AGO1: variants seen among roughly 807,000 people sequenced by gnomAD.
AGO1 encodes the protein argonaute RISC component 1, also known as protein argonaute-1.
In AGO1, 11 loss-of-function variants were observed where a neutral mutation model predicts 109.2. That is an observed-to-expected ratio of 0.10 (90% confidence interval 0.06 to 0.17). The LOEUF (loss-of-function observed/expected upper bound fraction) is 0.17. Ranked by LOEUF, AGO1 falls within the 10% of genes least tolerant of loss-of-function variation. AGO1 has a pLI of 1.00. For synonymous variants in AGO1, 422 were observed against 418.6 expected, an observed-to-expected ratio of 1.01 and a Z score of -0.10; for missense variants, 574 against 1,140.3, an observed-to-expected ratio of 0.50 and a Z score of 7.15.
In AGO1 at chr1:35,901,590, C is replaced by T. The variant is rs1274129921; in HGVS notation, c.1137C>T (p.Arg379=). The change falls in exon 9 of 19, where the codon CGC becomes CGT. Residue 379 remains arginine, a synonymous_variant. Transcript: ENST00000373204. The surrounding 1 kb of genome is among the most constrained non-coding windows in gnomAD (Gnocchi z 4.8). The part of the protein sequence containing the change: ...SAPDRQEEIS[R]LMKNASYNLD... ...CAGACAGACAGGAGGAGATCAGTCG[C>T]CTGGTCAGTGGGCCTACTCATTTGC... 5.6e-6 allele frequency: 9 copies of T among 1,614,016 alleles called. No individual in the cohort carries two copies. Among genetic ancestry groups the T allele is most frequent in the Non-Finnish European group, 7.6e-6 (9 of 1,180,018 alleles).
At chr1:35,907,583 T>C (rs1047433288) in intron 12 of AGO1, among the ~76,000 whole-genome samples, 1 of 152,174 alleles carries the variant, frequency 6.6e-6, no homozygotes, top group Non-Finnish European at 1.5e-5. Context: ...ATAAGAATGA[T>C]TATATAAATT....
Position 35,902,035 on chromosome 1 carries a change from G to A in AGO1, c.1228G>A (p.Val410Met). Residue 410 changes from valine to methionine, a missense_variant, in exon 10 of 19, where the codon GTG becomes ATG. By Grantham distance (21) the Val-to-Met change is conservative (BLOSUM62 1). This residue lies in a region of AGO1 where 106 missense variants were observed against 147.8 expected (regional missense o/e 0.72). Coordinates refer to ENST00000373204, the MANE Select transcript of AGO1 (RefSeq NM_012199.5). ...KDDMTEVTGR[V>M]LPAPILQYGG... is the part of the protein sequence containing the mutation. ...TGACATGACGGAGGTGACAGGGCGA[G>A]TGCTGCCGGCGCCCATCTTGCAGTA... The A allele has an allele frequency of 6.2e-7, 1 of 1,611,322 alleles. No homozygotes were observed. The highest frequency in any genetic ancestry group is 1.3e-5 in the African/African-American group (1 of 74,912).
At chr1:35,870,364 A>G (rs1644938557) in intron 1 of AGO1, among the ~76,000 whole-genome samples, 2 of 151,324 alleles carry the variant, frequency 1.3e-5, no homozygotes, top group African/African-American at 2.4e-5. Context: ...ACCCACTGCC[A>G]GCTCCGCCTC....
At chr1:35,900,919 T>A (rs572944114) in intron 8 of AGO1, among the ~76,000 whole-genome samples, 30 of 150,568 alleles carry the variant, frequency 2.0e-4, no homozygotes, top group African/African-American at 6.1e-4. Flanking sequence ...AAAAAATAAA[T>A]AAATAAATAA....
Position 35,919,700 on chromosome 1 carries a change from G to A in AGO1, c.*93G>A. Reference sequence around the variant, plus strand: ...ATCCAGAGGAAGCAAGGAGGAGGGAGGTGGGGTAGGGAGGAGTGTAGGATG... The same window carrying A: ...ATCCAGAGGAAGCAAGGAGGAGGGAAGTGGGGTAGGGAGGAGTGTAGGATG... On this transcript the variant is annotated 3_prime_UTR_variant, in exon 19 of 19. Coordinates refer to ENST00000373204, the MANE Select transcript of AGO1 (RefSeq NM_012199.5). The surrounding 1 kb of genome is among the most constrained non-coding windows in gnomAD (Gnocchi z 6.6). 2 of 1,214,228 alleles carry A rather than the reference G, an allele frequency of 1.6e-6. No homozygotes were observed. Among genetic ancestry groups the A allele is most frequent in the Non-Finnish European group, 2.3e-6 (2 of 859,674 alleles). The allele number at this position is 1,214,228 out of a possible 1,614,324, so 75.2% of individuals were successfully genotyped here.
At chr1:35,902,556 T>G (rs1442676417) in intron 11 of AGO1, among the ~76,000 whole-genome samples, 1 of 152,238 alleles carries the variant, frequency 6.6e-6, no homozygotes, top group Admixed American at 6.5e-5. Context: ...ATGATGATTT[T>G]AGGGCATGAA....
At chr1:35,884,377 G>T (rs936135941) in intron 1 of AGO1, among the ~76,000 whole-genome samples, 2 of 152,136 alleles carry the variant, frequency 1.3e-5, no homozygotes. Flanking sequence ...TCAAGGACAG[G>T]GCAGGGGCTA....
intron 8 of AGO1, among the ~76,000 whole-genome samples, chr1:35,900,872 C>T (rs1645402041): frequency 6.6e-6 from 1 of 152,028 alleles, no homozygotes; most frequent in Non-Finnish European, 1.5e-5. Context: ...TGTGCCACTG[C>T]ACTCCAGCCT....
chr1:35,887,370 A>G (rs916652887), intron 1 of AGO1, among the ~76,000 whole-genome samples: 2 of 152,130 alleles, frequency 1.3e-5, no homozygotes, highest in African/African-American at 4.8e-5. Context: ...ATAGCAGCAT[A>G]TTATTCCCTT....
chr1:35,885,997 A>C (rs569060346), intron 1 of AGO1, among the ~76,000 whole-genome samples: 2 of 152,320 alleles, frequency 1.3e-5, no homozygotes, highest in Non-Finnish European at 2.9e-5. Flanking sequence ...TGTCTTTTGA[A>C]TAGGCAGTCT....
chr1:35,913,623 G>A (rs545563464), intron 12 of AGO1, among the ~76,000 whole-genome samples: 1 of 152,078 alleles, frequency 6.6e-6, no homozygotes, highest in South Asian at 2.1e-4. Context: ...ATTTTATGCT[G>A]TTATTGTTCC....
Position 35,893,983 on chromosome 1 carries a change from A to AT in AGO1, c.650-53dup. Reference sequence around the variant, plus strand: ...AGAGGGTATAAATTGCTGTGCCTCCATGTATTGTGGAAGACAGAACCTGAG... The same window carrying AT: ...AGAGGGTATAAATTGCTGTGCCTCCATTGTATTGTGGAAGACAGAACCTGAG... On this transcript the variant is annotated intron_variant, in intron 5 of 18. Coordinates refer to ENST00000373204, the MANE Select transcript of AGO1 (RefSeq NM_012199.5). The surrounding 1 kb of genome is among the most constrained non-coding windows in gnomAD (Gnocchi z 5.6). The AT allele has an allele frequency of 2.6e-6, 4 of 1,523,288 alleles. No individual in the cohort carries two copies. Among genetic ancestry groups the AT allele is most frequent in the Non-Finnish European group, 3.5e-6 (4 of 1,134,430 alleles). The allele number at this position is 1,523,288 out of a possible 1,614,324, so 94.4% of individuals were successfully genotyped here.
rs1163258781 is a variant in AGO1, at chr1:35,920,525, A to T, written c.*918A>T. The T allele has an allele frequency of 6.6e-6, 1 of 152,602 alleles. No individual in the cohort carries two copies. Among genetic ancestry groups the T allele is most frequent in the Admixed American group, 6.5e-5 (1 of 15,278 alleles). 9.5% of individuals were successfully genotyped at this position (152,602 alleles called of 1,614,324 possible). On this transcript the variant is annotated 3_prime_UTR_variant, in exon 19 of 19. Transcript: ENST00000373204. ...CCAGCCAGAAAGCCAGCTATTTTGC[A>T]TTTGAAGGAATTGACTTCCTCATTC...
intron 1 of AGO1, among the ~76,000 whole-genome samples, chr1:35,872,944 G>A (rs1302322138): frequency 2.0e-5 from 3 of 151,568 alleles, no homozygotes; most frequent in Non-Finnish European, 2.9e-5. Context: ...TTTGTGATGG[G>A]GGCCTTGCTA....
intron 1 of AGO1, among the ~76,000 whole-genome samples, chr1:35,871,330 G>A (rs1283012282): frequency 1.3e-5 from 2 of 151,930 alleles, no homozygotes; most frequent in Non-Finnish European, 2.9e-5. Flanking sequence ...TGGGTCGCCC[G>A]AGATCAGGAG....
chr1:35,913,742 C>A, intron 12 of AGO1, 100 bp from the exon 13 acceptor site: 1 of 1,252,414 alleles, frequency 8.0e-7, no homozygotes, highest in East Asian at 2.4e-5. Flanking sequence ...TGTTTCCTGT[C>A]ATTATTGTGT....
rs1276852075 is a variant in AGO1, at chr1:35,929,266, T to C, written c.*9659T>C. On this transcript the variant is annotated 3_prime_UTR_variant, in exon 19 of 19. Coordinates refer to ENST00000373204, the MANE Select transcript of AGO1 (RefSeq NM_012199.5). ...TCTTGATATTACAAATCATGAGCCTTTCACATGCATTGACTCTAAAGAGGT... is the reference window on the plus strand; with the variant it reads ...TCTTGATATTACAAATCATGAGCCTCTCACATGCATTGACTCTAAAGAGGT... The C allele has an allele frequency of 6.6e-6, 1 of 152,250 alleles. No individual in the cohort carries two copies. Among genetic ancestry groups the C allele is most frequent in the Non-Finnish European group, 1.5e-5 (1 of 68,056 alleles). The allele number at this position is 152,250 out of a possible 1,614,324, so 9.4% of individuals were successfully genotyped here.
At chr1:35,896,087 C>T (rs1336381184) in intron 8 of AGO1, among the ~76,000 whole-genome samples, 1 of 152,090 alleles carries the variant, frequency 6.6e-6, no homozygotes, top group African/African-American at 2.4e-5. Context: ...GCAACCTCTG[C>T]CTCCCGGGTT....
intron 12 of AGO1, among the ~76,000 whole-genome samples, chr1:35,910,963 G>A (rs1391800573): frequency 6.6e-6 from 1 of 152,214 alleles, no homozygotes; most frequent in Non-Finnish European, 1.5e-5. Context: ...CTACTCGGGA[G>A]GCTGAGGCCG....
Sources: gnomAD v4.1 joint callset for allele counts (sites outside exome capture counted in the v4.1 genomes callset) on GRCh38, gnomAD v4.1.1 for gene constraint, gnomAD v4.1.1 regional missense constraint, Gnocchi (gnomAD v3.1) non-coding constraint, MANE v1.5 for transcripts, NCBI Gene and HGNC (gene_info 2026-07-23, HGNC 2026-07-21) for gene names.